PDE4B: variants seen among roughly 807,000 people sequenced by gnomAD.
PDE4B encodes phosphodiesterase 4B.
In PDE4B, 20 loss-of-function variants were observed where a neutral mutation model predicts 82.2. That is an observed-to-expected ratio of 0.24 (90% confidence interval 0.17 to 0.35). PDE4B has a LOEUF of 0.35. Ranked by LOEUF, PDE4B falls within the 10% of genes least tolerant of loss-of-function variation. PDE4B has a pLI of 1.00. For missense variants in PDE4B, 655 were observed against 907.2 expected (o/e 0.72, Z 3.57); for synonymous variants, 320 against 318.9 (o/e 1.00, Z -0.04).
At chr1:66,163,431 GTAAT>G (rs1646657927) in intron 3 of PDE4B, among the ~76,000 whole-genome samples, 1 of 151,928 alleles carries the variant, frequency 6.6e-6, no homozygotes, top group Non-Finnish European at 1.5e-5. Flanking sequence ...ATGTATAAAA[GTAAT>G]TATTAGTACT....
intron 7 of PDE4B, among the ~76,000 whole-genome samples, chr1:66,323,131 C>T (rs566299901): frequency 1.0e-3 from 159 of 152,208 alleles, no homozygotes; most frequent in African/African-American, 3.6e-3. Context: ...CCAAGTTTTC[C>T]AGTTGCTTCC....
At chr1:65,895,788 G>C (rs1414415761) in intron 1 of PDE4B, among the ~76,000 whole-genome samples, 2 of 151,070 alleles carry the variant, frequency 1.3e-5, no homozygotes, top group Non-Finnish European at 2.9e-5. Context: ...AATGAAACAG[G>C]AGAAGTTACA....
At chr1:65,915,244 C>T (rs142229652) in intron 2 of PDE4B, among the ~76,000 whole-genome samples, 161 of 152,224 alleles carry the variant, frequency 1.1e-3, no homozygotes, top group African/African-American at 3.6e-3. Flanking sequence ...ATTATTCCAA[C>T]AAACTACTCT....
chr1:66,125,002 CAGGAT>C (rs1232125071), intron 3 of PDE4B, among the ~76,000 whole-genome samples: 2 of 151,224 alleles, frequency 1.3e-5, no homozygotes, highest in African/African-American at 4.9e-5. Flanking sequence ...CCTGAGCTGC[CAGGAT>C]AGACTCTGGT....
intron 3 of PDE4B, among the ~76,000 whole-genome samples, chr1:66,191,231 C>T (rs758146164): frequency 7.2e-5 from 11 of 152,072 alleles, no homozygotes; most frequent in Non-Finnish European, 1.6e-4. Context: ...ACTCCAGTAC[C>T]TAATGGAGAA....
intron 3 of PDE4B, among the ~76,000 whole-genome samples, chr1:65,919,922 C>A (rs936533079): frequency 6.6e-6 from 1 of 152,130 alleles, no homozygotes; most frequent in African/African-American, 2.4e-5. Flanking sequence ...TTTAATCAGA[C>A]AATCTGTGTG....
Position 66,311,211 on chromosome 1 carries a change from A to G in PDE4B, c.635-21297A>G, listed in dbSNP as rs1307214734. On this transcript the variant is annotated intron_variant, in intron 7 of 16. Coordinates refer to ENST00000341517, the MANE Select transcript of PDE4B (RefSeq NM_002600.4). ...GGTTCAAGCTTCAGCTTTTCCATCT[A>G]CTGGCTGTGGAGTTCTAGGCAGTTA... 4.6e-5 allele frequency among the ~76,000 whole-genome samples: 7 copies of G among 152,214 alleles called. No homozygotes were observed. The East Asian group carries it at 9.6e-4, about 21-fold the overall frequency.
At chr1:66,196,267 C>T (rs12118380) in intron 3 of PDE4B, among the ~76,000 whole-genome samples, 75,650 of 152,112 alleles carry the variant, frequency 0.5, 19,556 homozygotes, top group South Asian at 0.63. Context: ...CTAGAAAACC[C>T]TGGACAAGTC....
At chr1:66,343,925 T>A (rs1196576015) in intron 8 of PDE4B, among the ~76,000 whole-genome samples, 4 of 152,202 alleles carry the variant, frequency 2.6e-5, no homozygotes, top group Non-Finnish European at 5.9e-5. Context: ...AGTGGCAATG[T>A]GCATTTCCAG....
At chr1:65,917,750 G>T (rs1394741198) in intron 2 of PDE4B, among the ~76,000 whole-genome samples, 2 of 151,976 alleles carry the variant, frequency 1.3e-5, no homozygotes, top group Non-Finnish European at 2.9e-5. Context: ...TTCTTTTTCT[G>T]AGTTCTTACA....
Position 66,262,320 on chromosome 1 carries a change from A to G in PDE4B, c.585-3718A>G, listed in dbSNP as rs568967776. Among the ~76,000 whole-genome samples the G allele has an allele frequency of 8.5e-5, 13 of 152,362 alleles. No homozygotes were observed. In the East Asian group the frequency reaches 2.3e-3, roughly 27 times the overall value. ...AGGACTCAGTACGTTGTAAATCACCAGTAAATGTTAGTTGCTGCCTGCTCT... is the reference window on the plus strand; with the variant it reads ...AGGACTCAGTACGTTGTAAATCACCGGTAAATGTTAGTTGCTGCCTGCTCT... On this transcript the variant is annotated intron_variant, in intron 6 of 16. Coordinates refer to ENST00000341517, the MANE Select transcript of PDE4B (RefSeq NM_002600.4).
At chr1:66,110,920 A>C (rs76716380) in intron 3 of PDE4B, among the ~76,000 whole-genome samples, 9,468 of 152,132 alleles carry the variant, frequency 0.062, 424 homozygotes, top group South Asian at 0.17. Flanking sequence ...AAAGCTTTGG[A>C]AAAGCAGAAT....
chr1:66,198,189 C>T (rs1272690108), intron 3 of PDE4B, among the ~76,000 whole-genome samples: 1 of 152,074 alleles, frequency 6.6e-6, no homozygotes, highest in Non-Finnish European at 1.5e-5. Context: ...GGCCCCGTTC[C>T]CTTTCCTAGT....
intron 7 of PDE4B, among the ~76,000 whole-genome samples, chr1:66,269,152 T>C (rs181041863): frequency 1.3e-5 from 2 of 152,374 alleles, no homozygotes; most frequent in African/African-American, 4.8e-5. Context: ...TTTTTCACTG[T>C]TAACAATTAG....
At chr1:66,243,765 T>G (rs1653074733) in intron 3 of PDE4B, among the ~76,000 whole-genome samples, 1 of 152,126 alleles carries the variant, frequency 6.6e-6, no homozygotes, top group Admixed American at 6.5e-5. Flanking sequence ...TGTTAAAACA[T>G]TAGGTCTCAG....
At chr1:65,967,390 T>C (rs1649892085) in intron 3 of PDE4B, among the ~76,000 whole-genome samples, 1 of 152,074 alleles carries the variant, frequency 6.6e-6, no homozygotes, top group Non-Finnish European at 1.5e-5. Context: ...AAACAGCAAG[T>C]TGCTGGAGAG....
intron 1 of PDE4B, among the ~76,000 whole-genome samples, chr1:65,819,656 C>A (rs554956423): frequency 1.3e-5 from 2 of 152,046 alleles, no homozygotes; most frequent in Admixed American, 6.5e-5. Context: ...CCCGCCACCG[C>A]GGCGGGCTAT....
At chr1:66,327,252 T>G (rs1659805271) in intron 7 of PDE4B, among the ~76,000 whole-genome samples, 1 of 152,144 alleles carries the variant, frequency 6.6e-6, no homozygotes, top group African/African-American at 2.4e-5. Context: ...TTAGATTAAC[T>G]GAAAAATCAT....
chr1:66,320,347 C>T (rs1479433306), intron 7 of PDE4B, among the ~76,000 whole-genome samples: 2 of 152,114 alleles, frequency 1.3e-5, no homozygotes, highest in Non-Finnish European at 2.9e-5. Context: ...TCCAAATCTG[C>T]AAGTGATTTT....
Sources: allele counts gnomAD v4.1 joint callset (sites outside exome capture counted in the v4.1 genomes callset), GRCh38; gene constraint gnomAD v4.1.1; transcripts MANE v1.5; gene names NCBI Gene and HGNC (gene_info 2026-07-23, HGNC 2026-07-21).